The following RAB3IL1 variants were observed in gnomAD, a reference collection of about 807,000 sequenced individuals.
The protein encoded by RAB3IL1 is RAB3A interacting protein like 1.
RAB3IL1 carries 37 observed loss-of-function variants against 49.2 expected under a neutral mutation model. The ratio of observed to expected loss-of-function variants is 0.75; its 90% CI spans 0.58 to 0.99. RAB3IL1 has a LOEUF of 0.99. Among genes scored for constraint, RAB3IL1 ranks in the 50% least tolerant of loss-of-function variants. RAB3IL1 has a pLI of 0.00. For synonymous variants in RAB3IL1, 193 were observed against 213.9 expected, an observed-to-expected ratio of 0.90 and a Z score of 0.85; for missense variants, 484 against 513.0, an observed-to-expected ratio of 0.94 and a Z score of 0.55.
chr11:61,929,058 T>C, the RAB3IL1 span, among the ~76,000 whole-genome samples: 2 of 152,176 alleles, frequency 1.3e-5, no homozygotes, highest in East Asian at 3.8e-4. Context: ...GTTGTACATA[T>C]TTGTGGGGTA....
At chr11:61,936,686 C>A in the RAB3IL1 span, among the ~76,000 whole-genome samples, 1 of 152,196 alleles carries the variant, frequency 6.6e-6, no homozygotes, top group African/African-American at 2.4e-5. Context: ...TGACTCATCA[C>A]ATATAAGCTA....
chr11:61,910,703 G>A (rs1485269831), intron 1 of RAB3IL1, among the ~76,000 whole-genome samples: 2 of 152,128 alleles, frequency 1.3e-5, no homozygotes, highest in Non-Finnish European at 2.9e-5. Flanking sequence ...GTGGACCCTT[G>A]CCAAGAAGAC....
At chr11:61,917,570 G>A, upstream of RAB3IL1, 1 of 1,086,862 alleles carries the variant, frequency 9.2e-7, no homozygotes, top group Admixed American at 5.2e-5. Context: ...GGGTCACGTG[G>A]CGGAGGGGGG....
chr11:61,932,757 T>C, the RAB3IL1 span, among the ~76,000 whole-genome samples: 1 of 150,968 alleles, frequency 6.6e-6, no homozygotes, highest in Non-Finnish European at 1.5e-5. Flanking sequence ...TTATTTTATG[T>C]AACTATAGTT....
rs370473962 is a variant in RAB3IL1, at chr11:61,904,510, C to T, written c.899+36G>A. ...AACACACGGCTTGGCGGGGCTTTCC[C>T]ACATGGGCAGGAAGGAGCTAAGACC... On this transcript the variant is annotated intron_variant, in intron 7 of 9. Coordinates refer to ENST00000394836, the MANE Select transcript of RAB3IL1 (RefSeq NM_013401.4). The T allele has an allele frequency of 1.2e-4, 186 of 1,559,926 alleles. 1 individual carries two copies. The highest frequency in any genetic ancestry group is 1.5e-4 in the Non-Finnish European group (175 of 1,145,080).
rs1939200786 is a variant in RAB3IL1 at position 61,906,583 on chromosome 11, G to A, written c.540C>T (p.Pro180=). 1 of 1,607,970 alleles carries A rather than the reference G, an allele frequency of 6.2e-7. No individual in the cohort carries two copies. The highest frequency in any genetic ancestry group is 8.5e-7 in the Non-Finnish European group (1 of 1,177,544). The part of the protein sequence containing the change: ...NRELHPQLLS[P]TKAGPRKGHS... ...GGCCCTTTCGGGGCCCGGCCTTGGTGGGGCTCAGCAGCTGGGGGTGAAGCT... is the reference window on the plus strand; with the variant it reads ...GGCCCTTTCGGGGCCCGGCCTTGGTAGGGCTCAGCAGCTGGGGGTGAAGCT... The change falls in exon 5 of 10, where the codon CCC becomes CCT. Residue 180 remains proline, a synonymous_variant. Coordinates refer to ENST00000394836, the MANE Select transcript of RAB3IL1 (RefSeq NM_013401.4). This position sits in a 1 kb window ranked among gnomAD's most constrained non-coding sequence, Gnocchi z 4.6.
At chr11:61,904,256 CGTT>C (rs768831019) in intron 7 of RAB3IL1, among the ~76,000 whole-genome samples, 1 of 152,048 alleles carries the variant, frequency 6.6e-6, no homozygotes, top group Non-Finnish European at 1.5e-5. Flanking sequence ...GCTACTGCGT[CGTT>C]ATTTATTGGC....
chr11:61,916,340 C>T (rs1466869430), intron 1 of RAB3IL1, among the ~76,000 whole-genome samples: 6 of 150,946 alleles, frequency 4.0e-5, no homozygotes, highest in Admixed American at 3.9e-4. Flanking sequence ...AGCAAGACTC[C>T]GTCTCAAAAA....
At chr11:61,925,843 G>A in the RAB3IL1 span, among the ~76,000 whole-genome samples, 2 of 152,130 alleles carry the variant, frequency 1.3e-5, no homozygotes, top group Non-Finnish European at 2.9e-5. Flanking sequence ...TTGGAGGCGA[G>A]TTAAAGAATT....
At chr11:61,901,549 G>C (rs1565357502) in intron 8 of RAB3IL1, among the ~76,000 whole-genome samples, 1 of 152,354 alleles carries the variant, frequency 6.6e-6, no homozygotes, top group East Asian at 1.9e-4. Flanking sequence ...AGAGGGGGGC[G>C]ATGTCATCCC....
chr11:61,939,000 C>T, the RAB3IL1 span, among the ~76,000 whole-genome samples: 3 of 151,660 alleles, frequency 2.0e-5, no homozygotes, highest in African/African-American at 7.3e-5. Context: ...ACTTCACTTT[C>T]AATAATGGCT....
upstream of RAB3IL1, among the ~76,000 whole-genome samples, chr11:61,921,477 C>A (rs553159330): frequency 5.3e-5 from 8 of 152,210 alleles, no homozygotes; most frequent in Non-Finnish European, 1.2e-4. Context: ...CTGCATCCTG[C>A]CTCTGCTAGT....
At chr11:61,918,131 A>G (rs1333983375), upstream of RAB3IL1, among the ~76,000 whole-genome samples, 7 of 151,616 alleles carry the variant, frequency 4.6e-5, no homozygotes, top group African/African-American at 1.7e-4. Flanking sequence ...TCTGGATAGT[A>G]TTCCCCACCC....
upstream of RAB3IL1, among the ~76,000 whole-genome samples, chr11:61,917,934 AGTGCCT>A (rs1348103649): frequency 6.6e-6 from 1 of 152,058 alleles, no homozygotes; most frequent in African/African-American, 2.4e-5. Flanking sequence ...CTGTCTGCTT[AGTGCCT>A]GTCCCTGTGC....
At chr11:61,926,135 T>G in the RAB3IL1 span, among the ~76,000 whole-genome samples, 26 of 79,028 alleles carry the variant, frequency 3.3e-4, no homozygotes, top group South Asian at 3.2e-4. Flanking sequence ...AAAGCCAAAA[T>G]TAAAAGGCAA....
rs879293688 is a variant in RAB3IL1, at chr11:61,906,899, G to A, written c.439-215C>T. Reference sequence around the variant, plus strand: ...ACAGAGGCGACATGGCCTGCCCAAGGTCACTCTGTGAGCAGGATTCTGTTA... The same window carrying A: ...ACAGAGGCGACATGGCCTGCCCAAGATCACTCTGTGAGCAGGATTCTGTTA... On this transcript the variant is annotated intron_variant, in intron 4 of 9. Coordinates refer to ENST00000394836, the MANE Select transcript of RAB3IL1 (RefSeq NM_013401.4). This position sits in a 1 kb window ranked among gnomAD's most constrained non-coding sequence, Gnocchi z 4.6. 2.0e-4 allele frequency among the ~76,000 whole-genome samples: 31 copies of A among 152,212 alleles called. No individual in the cohort carries two copies. The highest frequency in any genetic ancestry group is 3.5e-4 in the Non-Finnish European group (24 of 68,036).
At chr11:61,907,371 G>A in intron 4 of RAB3IL1, 22 bp downstream of exon 4, 1 of 1,611,292 alleles carries the variant, frequency 6.2e-7, no homozygotes, top group Non-Finnish European at 8.5e-7. Context: ...GGCTGGCCTG[G>A]GCAGGCGGGG....
the RAB3IL1 span, among the ~76,000 whole-genome samples, chr11:61,929,816 C>T: frequency 6.6e-6 from 1 of 150,892 alleles, no homozygotes; most frequent in East Asian, 2.0e-4. Context: ...GATCTCCTGA[C>T]CTTAAGTGAT....
chr11:61,908,447 T>C (rs1939317049), intron 1 of RAB3IL1, 141 bp from the exon 2 acceptor site: 2 of 997,906 alleles, frequency 2.0e-6, no homozygotes, highest in Non-Finnish European at 2.7e-6. Flanking sequence ...CTACCAGCTA[T>C]CATCAGTGTT....
Sources: gnomAD v4.1 joint callset for allele counts (sites outside exome capture counted in the v4.1 genomes callset) on GRCh38, gnomAD v4.1.1 for gene constraint, Gnocchi (gnomAD v3.1) non-coding constraint, MANE v1.5 for transcripts, NCBI Gene and HGNC (gene_info 2026-07-23, HGNC 2026-07-21) for gene names.